XKR4: variants seen among roughly 807,000 people sequenced by gnomAD.
XKR4 encodes XK-related protein 4.
In XKR4, 12 loss-of-function variants were observed where a neutral mutation model predicts 53.9. The observed-to-expected ratio is 0.22, with a 90% CI of 0.14 to 0.36. XKR4 has a LOEUF of 0.36. XKR4 is among the 10% of genes least tolerant of loss of function. The pLI is 1.00. For synonymous variants in XKR4, 354 were observed against 362.4 expected (o/e 0.98, Z 0.26); for missense variants, 799 against 859.5 (o/e 0.93, Z 0.88).
chr8:55,187,334 A>T (rs1440212625), intron 1 of XKR4, among the ~76,000 whole-genome samples: 6 of 151,586 alleles, frequency 4.0e-5, no homozygotes. Context: ...AAGAAGAAGA[A>T]TACCTGCTAT....
chr8:55,430,491 G>A (rs947877789), intron 2 of XKR4, among the ~76,000 whole-genome samples: 7 of 152,278 alleles, frequency 4.6e-5, no homozygotes, highest in South Asian at 2.1e-4. Context: ...CTGAGCAGAC[G>A]ATTGGTTGCC....
intron 1 of XKR4, among the ~76,000 whole-genome samples, chr8:55,263,258 C>G (rs1818553601): frequency 6.6e-6 from 1 of 152,194 alleles, no homozygotes; most frequent in Non-Finnish European, 1.5e-5. Context: ...ATTAGTGTCC[C>G]ACTCTAAGGA....
chr8:55,455,168 C>G, intron 2 of XKR4: 3 of 534,444 alleles, frequency 5.6e-6, no homozygotes. Context: ...GGCTCCGCGG[C>G]TCGGGGACTC....
chr8:55,484,999 G>T (rs1806171479), intron 2 of XKR4, among the ~76,000 whole-genome samples: 1 of 152,152 alleles, frequency 6.6e-6, no homozygotes, highest in Non-Finnish European at 1.5e-5. Context: ...TTTCTCTGGA[G>T]AATCCTCTCT....
At chr8:55,213,810 A>G (rs1211668795) in intron 1 of XKR4, among the ~76,000 whole-genome samples, 2 of 149,304 alleles carry the variant, frequency 1.3e-5, no homozygotes, top group African/African-American at 4.9e-5. Flanking sequence ...CAGTTTCAAT[A>G]GAGTCAATAA....
intron 1 of XKR4, among the ~76,000 whole-genome samples, chr8:55,305,078 A>G (rs1819274631): frequency 6.6e-6 from 1 of 152,186 alleles, no homozygotes; most frequent in Non-Finnish European, 1.5e-5. Context: ...GGGCTCAGCC[A>G]GTGGCGATGG....
intron 2 of XKR4, among the ~76,000 whole-genome samples, chr8:55,474,908 T>A (rs757543721): frequency 6.6e-6 from 1 of 152,128 alleles, no homozygotes; most frequent in Non-Finnish European, 1.5e-5. Context: ...AATGCATTAA[T>A]GAACACCTGC....
intron 1 of XKR4, 78 bp from the exon 2 acceptor site, chr8:55,357,600 A>G: frequency 6.6e-7 from 1 of 1,506,430 alleles, no homozygotes; most frequent in South Asian, 1.2e-5. Flanking sequence ...GGTGGCTTGC[A>G]GAAAAGAACA....
chr8:55,164,711 G>A (rs1184411527), intron 1 of XKR4: 1 of 281,156 alleles, frequency 3.6e-6, no homozygotes, highest in African/African-American at 2.2e-5. Context: ...TCAAACCCAT[G>A]TATAATAATA....
chr8:55,481,431 A>G (rs1279215812), intron 2 of XKR4, among the ~76,000 whole-genome samples: 2 of 151,996 alleles, frequency 1.3e-5, no homozygotes, highest in Non-Finnish European at 2.9e-5. Context: ...TAGACCTAAA[A>G]CCATAAAAAC....
intron 2 of XKR4, among the ~76,000 whole-genome samples, chr8:55,514,008 A>G (rs938085237): frequency 1.3e-5 from 2 of 152,156 alleles, no homozygotes; most frequent in African/African-American, 4.8e-5. Flanking sequence ...TGTTCTCTCA[A>G]TAACAGCCAA....
chr8:55,223,556 A>G (rs996177889), intron 1 of XKR4, among the ~76,000 whole-genome samples: 3 of 152,242 alleles, frequency 2.0e-5, no homozygotes, highest in Non-Finnish European at 4.4e-5. Flanking sequence ...CTGCATTTCT[A>G]GAAAGTAGCT....
At chr8:55,480,299 A>T (rs60987439) in intron 2 of XKR4, among the ~76,000 whole-genome samples, 52,040 of 151,896 alleles carry the variant, frequency 0.34, 10,763 homozygotes, top group African/African-American at 0.6. Flanking sequence ...AAAGACAAAA[A>T]CCACATGATT....
intron 1 of XKR4, among the ~76,000 whole-genome samples, chr8:55,152,397 ATCT>A (rs1816850916): frequency 6.6e-6 from 1 of 152,202 alleles, no homozygotes. Context: ...TATACCATAT[ATCT>A]TTGCTTTACA....
At chr8:55,167,944 T>C (rs140788257) in intron 1 of XKR4, among the ~76,000 whole-genome samples, 381 of 152,164 alleles carry the variant, frequency 2.5e-3, no homozygotes, top group Non-Finnish European at 4.2e-3. Flanking sequence ...TTTCAAGGAG[T>C]AACCAACTGT....
chr8:55,156,011 A>G (rs1388780884), intron 1 of XKR4, among the ~76,000 whole-genome samples: 5 of 152,220 alleles, frequency 3.3e-5, no homozygotes, highest in Admixed American at 2.6e-4. Context: ...AGACACTGCT[A>G]GAGACTGTGA....
chr8:55,436,616 C>T (rs1706114370), intron 2 of XKR4, among the ~76,000 whole-genome samples: 1 of 152,138 alleles, frequency 6.6e-6, no homozygotes, highest in South Asian at 2.1e-4. Flanking sequence ...GTCTTTTGGC[C>T]TCCAACCTCA....
chr8:55,304,780 T>C (rs916986756), intron 1 of XKR4, among the ~76,000 whole-genome samples: 1 of 152,148 alleles, frequency 6.6e-6, no homozygotes, highest in Non-Finnish European at 1.5e-5. Flanking sequence ...TGATCTTTGT[T>C]GGTTTAAGGT....
rs79576457 is a variant in XKR4 at position 55,266,127 on chromosome 8, C to T, written c.807-91551C>T. Among the ~76,000 whole-genome samples the T allele has an allele frequency of 3.7e-3, 557 of 151,962 alleles. 5 individuals carry two copies. Among genetic ancestry groups the T allele is most frequent in the African/African-American group, 0.012 (504 of 41,420 alleles). On this transcript the variant is annotated intron_variant, in intron 1 of 2. Coordinates refer to ENST00000327381, the MANE Select transcript of XKR4 (RefSeq NM_052898.2). ...GAGCTATGATTGTGTCACTGCACTC[C>T]AGCCTCAGTGACAGAGTGAGATCCT... is the stretch of plus-strand genomic sequence containing the variant.
Sources: gnomAD v4.1 joint callset for allele counts (sites outside exome capture counted in the v4.1 genomes callset) on GRCh38, gnomAD v4.1.1 for gene constraint, MANE v1.5 for transcripts, NCBI Gene and HGNC (gene_info 2026-07-23, HGNC 2026-07-21) for gene names.